Variants in TMEM178A observed in about 807,000 individuals in gnomAD.
TMEM178A encodes transmembrane protein 178.
A neutral mutation model predicts 29.1 loss-of-function variants in TMEM178A; 12 were observed. That is an observed-to-expected ratio of 0.41 (90% CI 0.26 to 0.67). TMEM178A has a LOEUF of 0.67. Ranked by LOEUF, TMEM178A falls within the 30% of genes least tolerant of loss-of-function variation. The probability of loss-of-function intolerance (pLI) is 0.29; values close to 1 mark genes in which losing one functional copy is unlikely to be tolerated. For missense variants in TMEM178A, 366 were observed against 419.1 expected, an observed-to-expected ratio of 0.87 and a Z score of 1.11; for synonymous variants, 210 against 187.2, an observed-to-expected ratio of 1.12 and a Z score of -0.99.
intron 1 of TMEM178A, among the ~76,000 whole-genome samples, chr2:39,702,612 G>C (rs1468115836): frequency 8.6e-5 from 13 of 151,282 alleles, no homozygotes; most frequent in Non-Finnish European, 1.5e-5. Context: ...TATGTAAACA[G>C]CTACCTTTAA....
chr2:39,672,150 T>C (rs1190974104), intron 1 of TMEM178A, among the ~76,000 whole-genome samples: 1 of 152,222 alleles, frequency 6.6e-6, no homozygotes, highest in Non-Finnish European at 1.5e-5. Flanking sequence ...ATGAAGGTTA[T>C]CTTGAATAGA....
intron 1 of TMEM178A, among the ~76,000 whole-genome samples, chr2:39,688,877 T>C (rs1671193764): frequency 6.6e-6 from 1 of 152,220 alleles, no homozygotes; most frequent in Non-Finnish European, 1.5e-5. Flanking sequence ...CCATTTATCT[T>C]GCTATGTATC....
intron 1 of TMEM178A, among the ~76,000 whole-genome samples, chr2:39,687,693 A>G (rs1226449677): frequency 1.3e-5 from 2 of 152,210 alleles, no homozygotes; most frequent in Non-Finnish European, 2.9e-5. Context: ...CAGTGTGGGT[A>G]GAAGGCAGCA....
At chr2:39,710,898 C>G (rs1053170745) in intron 3 of TMEM178A, among the ~76,000 whole-genome samples, 12 of 152,234 alleles carry the variant, frequency 7.9e-5, no homozygotes, top group African/African-American at 2.9e-4. Flanking sequence ...AATGGAAACT[C>G]TGAAACGATA....
chr2:39,665,754 G>T, upstream of TMEM178A: 1 of 379,440 alleles, frequency 2.6e-6, no homozygotes, highest in Non-Finnish European at 4.5e-6. Flanking sequence ...AGGGCTAGGA[G>T]CCCGGGGGCC....
chr2:39,732,896 C>T, the TMEM178A span, among the ~76,000 whole-genome samples: 5 of 152,190 alleles, frequency 3.3e-5, no homozygotes, highest in Non-Finnish European at 5.9e-5. Context: ...CACAGAGTTC[C>T]ATCAACATCC....
intron 1 of TMEM178A, among the ~76,000 whole-genome samples, chr2:39,684,898 G>T (rs1671008684): frequency 1.3e-5 from 2 of 152,050 alleles, no homozygotes; most frequent in South Asian, 4.2e-4. Context: ...ACCCACACGT[G>T]CCCCTGGACC....
chr2:39,705,163 A>G (rs1171575939), intron 2 of TMEM178A, among the ~76,000 whole-genome samples: 1 of 152,240 alleles, frequency 6.6e-6, no homozygotes, highest in Non-Finnish European at 1.5e-5. Flanking sequence ...TAGCTCTTTA[A>G]TAGTTTGTAC....
chr2:39,721,865 C>A (rs919358378), downstream of TMEM178A, among the ~76,000 whole-genome samples: 4 of 151,730 alleles, frequency 2.6e-5, no homozygotes, highest in African/African-American at 9.7e-5. Context: ...GTGGTACATG[C>A]CTGTAGGCTT....
downstream of TMEM178A, among the ~76,000 whole-genome samples, chr2:39,720,910 C>T (rs779417442): frequency 4.4e-4 from 67 of 152,170 alleles, 1 homozygote; most frequent in Non-Finnish European, 8.1e-4. Context: ...CCAACCTAGA[C>T]GTAACTTAAA....
chr2:39,701,358 G>C (rs886385234), intron 1 of TMEM178A, among the ~76,000 whole-genome samples: 4 of 152,008 alleles, frequency 2.6e-5, no homozygotes, highest in Non-Finnish European at 5.9e-5. Flanking sequence ...TCTGTGTTTT[G>C]AATGTGTCAT....
At chr2:39,711,146 C>T (rs1672283034) in intron 3 of TMEM178A, among the ~76,000 whole-genome samples, 1 of 152,200 alleles carries the variant, frequency 6.6e-6, no homozygotes, top group Non-Finnish European at 1.5e-5. Flanking sequence ...GGCACAGAAG[C>T]ATACACAGGT....
At chr2:39,696,545 C>T (rs1220926989) in intron 1 of TMEM178A, among the ~76,000 whole-genome samples, 1 of 152,168 alleles carries the variant, frequency 6.6e-6, no homozygotes, top group Non-Finnish European at 1.5e-5. Flanking sequence ...GACGAGGGAA[C>T]CAAGGCTCAG....
intron 1 of TMEM178A, among the ~76,000 whole-genome samples, chr2:39,666,601 GTCCTT>G (rs1243979673): frequency 6.6e-6 from 1 of 151,852 alleles, no homozygotes; most frequent in Non-Finnish European, 1.5e-5. Context: ...CATCCTGCGC[GTCCTT>G]TCAAGTCCGT....
chr2:39,722,728 GCTCA>G (rs1046851415), downstream of TMEM178A, among the ~76,000 whole-genome samples: 2 of 152,058 alleles, frequency 1.3e-5, no homozygotes, highest in Admixed American at 6.5e-5. Context: ...CTTTTTTGGA[GCTCA>G]CTAAGAAATT....
rs1435211159 is a variant in TMEM178A, at chr2:39,666,067, G to C, written c.93G>C (p.Trp31Cys). 6.4e-7 allele frequency: 1 copy of C among 1,569,906 alleles called. No individual in the cohort carries two copies. Among genetic ancestry groups the C allele is most frequent in the African/African-American group, 1.4e-5 (1 of 70,778 alleles). ...LLVTAIFTDH[W>C]YETDPRRHKE... Reference sequence around the variant, plus strand: ...TCACGGCCATCTTCACCGACCACTGGTACGAGACCGACCCCCGGCGCCACA... The same window carrying C: ...TCACGGCCATCTTCACCGACCACTGCTACGAGACCGACCCCCGGCGCCACA... The change falls in exon 1 of 4, where the codon TGG becomes TGC. Residue 31 changes from tryptophan (W) to cysteine (C), a missense_variant. Trp to Cys is a radical substitution (Grantham distance 215). Coordinates refer to ENST00000281961, the MANE Select transcript of TMEM178A (RefSeq NM_152390.3).
chr2:39,720,890 T>C (rs572415618), downstream of TMEM178A, among the ~76,000 whole-genome samples: 9 of 152,320 alleles, frequency 5.9e-5, no homozygotes, highest in African/African-American at 1.7e-4. Flanking sequence ...AAAGGGACTA[T>C]TAACCCAAAC....
At chr2:39,687,999 A>T (rs1382335832) in intron 1 of TMEM178A, among the ~76,000 whole-genome samples, 2 of 152,232 alleles carry the variant, frequency 1.3e-5, no homozygotes, top group South Asian at 4.1e-4. Context: ...TGTAAAACAG[A>T]GGTAACAATA....
At chr2:39,668,343 T>A (rs891266031) in intron 1 of TMEM178A, among the ~76,000 whole-genome samples, 4 of 152,222 alleles carry the variant, frequency 2.6e-5, no homozygotes, top group African/African-American at 9.6e-5. Context: ...CACGAATGCC[T>A]ATTTTTAGAT....
Sources: gnomAD v4.1 joint callset for allele counts (sites outside exome capture counted in the v4.1 genomes callset) on GRCh38, gnomAD v4.1.1 for gene constraint, MANE v1.5 for transcripts, NCBI Gene and HGNC (gene_info 2026-07-23, HGNC 2026-07-21) for gene names.